CBLC: variants seen among roughly 807,000 people sequenced by gnomAD.
CBLC encodes Cbl proto-oncogene C, also known as E3 ubiquitin-protein ligase CBL-C.
CBLC carries 46 observed loss-of-function variants against 58.6 expected under a neutral mutation model. The observed-to-expected ratio is 0.79, with a 90% confidence interval of 0.62 to 1.00. The LOEUF (loss-of-function observed/expected upper bound fraction) is 1.00. Among genes scored for constraint, CBLC ranks in the 50% least tolerant of loss-of-function variants. CBLC has a pLI of 0.00. For synonymous variants in CBLC, 271 were observed against 264.2 expected (o/e 1.03, Z -0.25); for missense variants, 655 against 625.8 (o/e 1.05, Z -0.50).
chr19:44,793,394 G>A, intron 7 of CBLC, 80 bp from the exon 8 acceptor site: 8 of 1,423,988 alleles, frequency 5.6e-6, no homozygotes, highest in Non-Finnish European at 7.4e-6. Flanking sequence ...CAATCTTTTG[G>A]GCGGGGAGCT....
chr19:44,791,869 A>C (rs984169857), intron 6 of CBLC, among the ~76,000 whole-genome samples: 4 of 151,836 alleles, frequency 2.6e-5, no homozygotes, highest in Admixed American at 1.3e-4. Context: ...GGGTCTTACT[A>C]TGCTGCCCAC....
chr19:44,794,424 C>A, intron 9 of CBLC, 143 bp downstream of exon 9: 1 of 477,094 alleles, frequency 2.1e-6, no homozygotes, highest in Non-Finnish European at 3.7e-6. Flanking sequence ...TCTGTGACCT[C>A]TTCCCTTGTT....
intron 1 of CBLC, 76 bp from the exon 2 acceptor site, chr19:44,780,829 G>C (rs1387306869): frequency 7.0e-7 from 1 of 1,435,044 alleles, no homozygotes; most frequent in Non-Finnish European, 9.6e-7. Context: ...ATCCCTGCAG[G>C]TGTTCCCCAT....
At chr19:44,794,362 G>T in intron 9 of CBLC, 81 bp downstream of exon 9, 1 of 1,361,558 alleles carries the variant, frequency 7.3e-7, no homozygotes, top group Admixed American at 1.8e-5. Flanking sequence ...GCACTCAGGG[G>T]TGCCAGGGCA....
chr19:44,786,091 G>A (rs961866611), intron 5 of CBLC, among the ~76,000 whole-genome samples: 5 of 151,992 alleles, frequency 3.3e-5, no homozygotes, highest in East Asian at 1.9e-4. Flanking sequence ...TGAACCACAC[G>A]CCTGGCCAAT....
intron 5 of CBLC, among the ~76,000 whole-genome samples, chr19:44,787,766 G>A (rs562715845): frequency 3.3e-5 from 5 of 149,304 alleles, no homozygotes; most frequent in South Asian, 2.1e-4. Flanking sequence ...GCAGTGAGCC[G>A]AGATCACGCC....
rs1289223224 is a variant in CBLC, at chr19:44,784,248, C to T, written c.780-16C>T. 2.6e-6 allele frequency: 4 copies of T among 1,561,102 alleles called. No individual in the cohort carries two copies. The highest frequency in any genetic ancestry group is 1.7e-4 in the Middle Eastern group (1 of 5,874). On this transcript the variant is annotated splice_polypyrimidine_tract_variant and intron_variant, in intron 4 of 10. Coordinates refer to ENST00000647358, the MANE Select transcript of CBLC (RefSeq NM_012116.4). Reference sequence around the variant, plus strand: ...TGACCACTCCCTCACCCCATCCTACCTACCTCTCCCTCCAGTTACATCTTC... The same window carrying T: ...TGACCACTCCCTCACCCCATCCTACTTACCTCTCCCTCCAGTTACATCTTC...
chr19:44,793,063 A>C (rs1968095010), intron 7 of CBLC, among the ~76,000 whole-genome samples: 1 of 152,180 alleles, frequency 6.6e-6, no homozygotes, highest in Non-Finnish European at 1.5e-5. Context: ...GAGGCATGAG[A>C]ATCACTTGAA....
At chr19:44,799,448 TC>T (rs1358320689) in intron 9 of CBLC, among the ~76,000 whole-genome samples, 25 of 151,668 alleles carry the variant, frequency 1.6e-4, no homozygotes, top group Non-Finnish European at 2.9e-4. Context: ...TTCTCCTGCC[TC>T]AGCCTCCCAA....
At chr19:44,794,581 C>T (rs1047241496) in intron 9 of CBLC, among the ~76,000 whole-genome samples, 1 of 150,582 alleles carries the variant, frequency 6.6e-6, no homozygotes, top group African/African-American at 2.4e-5. Context: ...TCTCCTGCCT[C>T]AGCCTCCTGA....
chr19:44,794,470 T>C (rs1386602942), intron 9 of CBLC, among the ~76,000 whole-genome samples, 189 bp downstream of exon 9: 1 of 145,584 alleles, frequency 6.9e-6, no homozygotes, highest in Non-Finnish European at 1.5e-5. Context: ...TTTTTTTTTT[T>C]TTTTTTTTTT....
intron 9 of CBLC, among the ~76,000 whole-genome samples, chr19:44,800,003 C>T (rs1241685723): frequency 6.6e-6 from 1 of 152,162 alleles, no homozygotes; most frequent in East Asian, 1.9e-4. Flanking sequence ...CAAACTGAAA[C>T]TTCATCCTAC....
At chr19:44,794,529 A>G (rs1363622145) in intron 9 of CBLC, among the ~76,000 whole-genome samples, 1 of 144,680 alleles carries the variant, frequency 6.9e-6, no homozygotes, top group African/African-American at 2.6e-5. Context: ...CAGTGGCGCA[A>G]TCTTGGCTCA....
At chr19:44,783,951 C>T (rs570011089) in intron 4 of CBLC, among the ~76,000 whole-genome samples, 1 of 152,332 alleles carries the variant, frequency 6.6e-6, no homozygotes, top group East Asian at 1.9e-4. Context: ...AGAACGGACT[C>T]CCATCACTGT....
chr19:44,787,933 T>C (rs1385192852), intron 5 of CBLC, among the ~76,000 whole-genome samples: 1 of 151,054 alleles, frequency 6.6e-6, no homozygotes, highest in Non-Finnish European at 1.5e-5. Flanking sequence ...GACAACATAG[T>C]GAGCCCCCAT....
intron 5 of CBLC, among the ~76,000 whole-genome samples, chr19:44,785,512 C>A (rs1464344414): frequency 6.8e-6 from 1 of 147,506 alleles, no homozygotes; most frequent in Non-Finnish European, 1.5e-5. Context: ...AGGTAGGTAG[C>A]TAGCTAGATA....
chr19:44,789,143 C>T (rs1336466873), intron 5 of CBLC, among the ~76,000 whole-genome samples: 1 of 152,128 alleles, frequency 6.6e-6, no homozygotes, highest in Admixed American at 6.6e-5. Flanking sequence ...TGTCCTGGAG[C>T]CCAGTGCTGA....
At chr19:44,796,539 C>CA (rs1351082798) in intron 9 of CBLC, among the ~76,000 whole-genome samples, 1 of 152,006 alleles carries the variant, frequency 6.6e-6, no homozygotes, top group Non-Finnish European at 1.5e-5. Flanking sequence ...CAGGTGCCAC[C>CA]ACGCCTGGCA....
intron 5 of CBLC, 77 bp from the exon 6 acceptor site, chr19:44,789,927 G>T (rs1444229065): frequency 1.1e-6 from 1 of 933,592 alleles, no homozygotes; most frequent in Non-Finnish European, 1.8e-6. Context: ...GGCCCTGTAG[G>T]GGGTAAAGGT....
Sources: allele counts gnomAD v4.1 joint callset (sites outside exome capture counted in the v4.1 genomes callset), GRCh38; gene constraint gnomAD v4.1.1; transcripts MANE v1.5; gene names NCBI Gene and HGNC (gene_info 2026-07-23, HGNC 2026-07-21).